Variants in SLC8A1 observed in about 807,000 individuals in gnomAD.
SLC8A1 encodes sodium/calcium exchanger 1.
Under a neutral mutation model 68.3 loss-of-function variants are expected in SLC8A1, and 18 were observed. The observed-to-expected ratio is 0.26, with a 90% CI of 0.18 to 0.39. SLC8A1 has a LOEUF of 0.39. Ranked by LOEUF, SLC8A1 falls within the 10% of genes least tolerant of loss-of-function variation. The pLI, the probability that SLC8A1 is intolerant of heterozygous loss-of-function variation, is 1.00. For missense variants in SLC8A1, 985 were observed against 1,156.7 expected (o/e 0.85, Z 2.15); for synonymous variants, 475 against 415.5 (o/e 1.14, Z -1.74).
chr2:40,216,828 C>G (rs144978071), intron 2 of SLC8A1, among the ~76,000 whole-genome samples: 1 of 152,102 alleles, frequency 6.6e-6, no homozygotes, highest in African/African-American at 2.4e-5. Flanking sequence ...TCAGATCCTT[C>G]GCCCACTTTT....
intron 2 of SLC8A1, among the ~76,000 whole-genome samples, chr2:40,389,831 A>T (rs1365949561): frequency 6.7e-6 from 1 of 149,022 alleles, no homozygotes; most frequent in African/African-American, 2.5e-5. Flanking sequence ...TATGATATAT[A>T]TGATATATAT....
chr2:40,151,107 G>C (rs973972365), intron 6 of SLC8A1, among the ~76,000 whole-genome samples: 3 of 152,122 alleles, frequency 2.0e-5, no homozygotes, highest in Non-Finnish European at 4.4e-5. Flanking sequence ...GAGAGAAAAT[G>C]TCATTTTATA....
At chr2:40,116,453 T>C (rs555773221) in intron 7 of SLC8A1, among the ~76,000 whole-genome samples, 25 of 152,132 alleles carry the variant, frequency 1.6e-4, no homozygotes, top group African/African-American at 5.8e-4. Flanking sequence ...CCCAGTGCTA[T>C]CCCTCCCCCA....
chr2:40,315,250 CAT>C (rs1008905555), intron 2 of SLC8A1, among the ~76,000 whole-genome samples: 7 of 151,752 alleles, frequency 4.6e-5, no homozygotes, highest in African/African-American at 1.7e-4. Flanking sequence ...TTGAGATGAT[CAT>C]ATGTTTTCCC....
chr2:40,243,221 C>T (rs188983465), intron 2 of SLC8A1, among the ~76,000 whole-genome samples: 73 of 152,294 alleles, frequency 4.8e-4, no homozygotes, highest in African/African-American at 1.7e-3. Flanking sequence ...AAAGGCCAGG[C>T]GTGTAATCCC....
At chr2:40,159,472 G>A (rs2045264020) in intron 6 of SLC8A1, among the ~76,000 whole-genome samples, 4 of 152,198 alleles carry the variant, frequency 2.6e-5, no homozygotes, top group Admixed American at 2.6e-4. Flanking sequence ...ATTCTAATAT[G>A]TCAAGGCCCA....
intron 2 of SLC8A1, among the ~76,000 whole-genome samples, chr2:40,198,822 A>G (rs385561): frequency 0.25 from 38,372 of 151,562 alleles, 5,201 homozygotes; most frequent in African/African-American, 0.33. Context: ...CAAATTTCAC[A>G]TTAACTCAAT....
At chr2:40,157,729 G>GGACTT (rs2148429758) in intron 6 of SLC8A1, among the ~76,000 whole-genome samples, 1 of 152,306 alleles carries the variant, frequency 6.6e-6, no homozygotes, top group Non-Finnish European at 1.5e-5. Flanking sequence ...TCGTGGTACT[G>GGACTT]GACTTGCCTT....
At chr2:40,477,001 T>C (rs1704332844) in intron 1 of SLC8A1, among the ~76,000 whole-genome samples, 1 of 152,208 alleles carries the variant, frequency 6.6e-6, no homozygotes, top group East Asian at 1.9e-4. Context: ...TCTCTAATTT[T>C]TTTTGGGAGG....
intron 2 of SLC8A1, among the ~76,000 whole-genome samples, chr2:40,378,823 C>T (rs1680789667): frequency 6.6e-6 from 1 of 152,052 alleles, no homozygotes; most frequent in Non-Finnish European, 1.5e-5. Context: ...GGCCTTGCCC[C>T]TCATTTTGCT....
chr2:40,363,727 G>A (rs577042271), intron 2 of SLC8A1, among the ~76,000 whole-genome samples: 5 of 152,082 alleles, frequency 3.3e-5, no homozygotes, highest in South Asian at 4.2e-4. Flanking sequence ...TAATGACATC[G>A]CCTCGCTTGG....
At chr2:40,489,884 A>G (rs1475937966) in intron 1 of SLC8A1, among the ~76,000 whole-genome samples, 2 of 151,992 alleles carry the variant, frequency 1.3e-5, no homozygotes, top group Non-Finnish European at 2.9e-5. Flanking sequence ...CCAAGCCAAA[A>G]CAGTGTCCCC....
At chr2:40,209,067 C>T (rs1227189687) in intron 2 of SLC8A1, 1 of 151,984 alleles carries the variant, frequency 6.6e-6, no homozygotes, top group African/African-American at 2.4e-5. Flanking sequence ...AATCCTTGTC[C>T]TGTCCTTGAG....
chr2:40,148,581 T>A (rs974074452), intron 6 of SLC8A1, among the ~76,000 whole-genome samples: 68 of 152,192 alleles, frequency 4.5e-4, no homozygotes, highest in African/African-American at 1.5e-3. Flanking sequence ...TCTTTCCTTC[T>A]TTCTGTTGTG....
At chr2:40,478,809 T>C (rs1179340501) in intron 1 of SLC8A1, among the ~76,000 whole-genome samples, 1 of 152,006 alleles carries the variant, frequency 6.6e-6, no homozygotes. Context: ...TTCGCTCTTG[T>C]TGCCCAGGCT....
chr2:40,205,883 G>T (rs1206698302), intron 2 of SLC8A1, among the ~76,000 whole-genome samples: 1 of 151,084 alleles, frequency 6.6e-6, no homozygotes, highest in African/African-American at 2.4e-5. Flanking sequence ...GTTGAGCTGT[G>T]TATAACTGGC....
At chr2:40,431,203 G>C (rs925735419) in intron 1 of SLC8A1, among the ~76,000 whole-genome samples, 1 of 151,642 alleles carries the variant, frequency 6.6e-6, no homozygotes, top group South Asian at 2.1e-4. Flanking sequence ...GTGGGTAAGC[G>C]CCTGGCAGGC....
rs370530990 is a variant in SLC8A1, at chr2:40,398,930, C to G, written c.1808+29543G>C. 7.2e-5 allele frequency among the ~76,000 whole-genome samples: 11 copies of G among 152,280 alleles called. No individual in the cohort carries two copies. In the East Asian group the frequency reaches 1.7e-3, roughly 24 times the overall value. ...TCAGTGTGGCTTATCAAGAAACAGA[C>G]TCTATCTCTCTATTTATCTATCATC... On this transcript the variant is annotated intron_variant, in intron 2 of 7. Transcript: ENST00000406785.
intron 2 of SLC8A1, among the ~76,000 whole-genome samples, chr2:40,196,423 G>C (rs2053033215): frequency 6.6e-6 from 1 of 151,932 alleles, no homozygotes; most frequent in Non-Finnish European, 1.5e-5. Context: ...GAGGTCCTCA[G>C]TTTTATGGAA....
Sources: gnomAD v4.1 joint callset for allele counts (sites outside exome capture counted in the v4.1 genomes callset) on GRCh38, gnomAD v4.1.1 for gene constraint, MANE v1.5 for transcripts, NCBI Gene and HGNC (gene_info 2026-07-23, HGNC 2026-07-21) for gene names.